R3HDM2: variants seen among roughly 807,000 people sequenced by gnomAD.
R3HDM2 encodes the protein R3H domain containing 2.
In R3HDM2, 38 loss-of-function variants were observed where a neutral mutation model predicts 124.5. That is an observed-to-expected ratio of 0.31 (90% CI 0.24 to 0.40). The LOEUF (loss-of-function observed/expected upper bound fraction) is 0.40, where lower values mean the gene tolerates loss of function less well. R3HDM2 is among the 10% of genes least tolerant of loss of function. The probability of loss-of-function intolerance (pLI) is 1.00; values close to 1 mark genes in which losing one functional copy is unlikely to be tolerated. For synonymous variants in R3HDM2, 391 were observed against 448.0 expected, an observed-to-expected ratio of 0.87 and a Z score of 1.61; for missense variants, 869 against 1,236.9, an observed-to-expected ratio of 0.70 and a Z score of 4.46.
chr12:57,296,568 G>A lies in R3HDM2; in HGVS notation c.561-17C>T. The A allele has an allele frequency of 2.6e-6, 4 of 1,536,706 alleles. No homozygotes were observed. The highest frequency in any genetic ancestry group is 1.2e-5 in the South Asian group (1 of 81,762). Reference sequence around the variant, plus strand: ...AACTGATTACTGAAGGGAAACCCGGGGAAAAAAAGTGAAATAAGACAAACA... The same window carrying A: ...AACTGATTACTGAAGGGAAACCCGGAGAAAAAAAGTGAAATAAGACAAACA... On this transcript the variant is annotated splice_polypyrimidine_tract_variant and intron_variant, in intron 8 of 23. Coordinates refer to ENST00000402412, the MANE Select transcript of R3HDM2 (RefSeq NM_001394031.1). The surrounding 1 kb of genome is among the most constrained non-coding windows in gnomAD (Gnocchi z 4.5).
chr12:57,266,077 G>A (rs141278772), intron 19 of R3HDM2, among the ~76,000 whole-genome samples: 272 of 145,698 alleles, frequency 1.9e-3, no homozygotes, highest in Non-Finnish European at 3.2e-3. Flanking sequence ...GATTACAGGC[G>A]TGAGCCTCCG....
At chr12:57,381,187 C>T (rs1474399543) in intron 2 of R3HDM2, among the ~76,000 whole-genome samples, 18 of 151,940 alleles carry the variant, frequency 1.2e-4, no homozygotes, top group African/African-American at 1.7e-4. Flanking sequence ...GCTGATATCA[C>T]GCCATTGCAC....
Position 57,300,197 on chromosome 12 carries a change from A to C in R3HDM2, c.208-16T>G. Reference sequence around the variant, plus strand: ...TGGAATTAGACTGAAAAAAACAAAAAACAATTTTCAATTTTTTTAATGTAT... The same window carrying C: ...TGGAATTAGACTGAAAAAAACAAAACACAATTTTCAATTTTTTTAATGTAT... On this transcript the variant is annotated splice_polypyrimidine_tract_variant and intron_variant, in intron 4 of 23. Transcript: ENST00000402412. The C allele has an allele frequency of 1.3e-6, 2 of 1,544,350 alleles. No homozygotes were observed. Among genetic ancestry groups the C allele is most frequent in the Non-Finnish European group, 1.8e-6 (2 of 1,140,638 alleles).
chr12:57,355,473 G>A (rs1037896948), intron 2 of R3HDM2, among the ~76,000 whole-genome samples: 57 of 137,982 alleles, frequency 4.1e-4, no homozygotes, highest in Middle Eastern at 7.3e-3. Flanking sequence ...AAAAAAAAAA[G>A]AAAGAAAAAA....
At chr12:57,288,878 T>G in intron 12 of R3HDM2, 131 bp downstream of exon 12, 1 of 1,551,368 alleles carries the variant, frequency 6.4e-7, no homozygotes, top group East Asian at 2.4e-5. Context: ...CCTTCTCTTG[T>G]GAGAGCTAGA....
At chr12:57,339,826 G>C (rs943739774) in intron 2 of R3HDM2, among the ~76,000 whole-genome samples, 1 of 152,144 alleles carries the variant, frequency 6.6e-6, no homozygotes, top group African/African-American at 2.4e-5. Flanking sequence ...AGGCACAGTA[G>C]TGTCCTTCCA....
intron 2 of R3HDM2, among the ~76,000 whole-genome samples, chr12:57,358,980 C>T (rs2061593150): frequency 6.6e-6 from 1 of 151,430 alleles, no homozygotes; most frequent in East Asian, 1.9e-4. Flanking sequence ...TGCAGTGGTG[C>T]AATCTCGGCT....
chr12:57,398,393 T>C (rs996741604), intron 1 of R3HDM2, among the ~76,000 whole-genome samples: 7 of 152,166 alleles, frequency 4.6e-5, no homozygotes, highest in African/African-American at 1.7e-4. Context: ...TTAAAACTTA[T>C]TTGTATAGCC....
At chr12:57,268,777 C>T (rs184734599) in intron 17 of R3HDM2, 145 bp downstream of exon 17, 12 of 1,028,868 alleles carry the variant, frequency 1.2e-5, no homozygotes, top group Middle Eastern at 3.2e-4. Flanking sequence ...ATGGGCTTTC[C>T]GTTATAGGAA....
Position 57,258,034 on chromosome 12 carries a change from AG to A in R3HDM2, c.2404del (p.Leu802CysfsTer53). 1 of 1,593,888 alleles carries A rather than the reference AG, an allele frequency of 6.3e-7. No homozygotes were observed. The highest frequency in any genetic ancestry group is 8.6e-7 in the Non-Finnish European group (1 of 1,166,014). ...CCGGGGGAACTGTGTGAGGACAGGC[AG>A]GGGACTGAGTCCTGTGCAGACACTG... ...LSSVCTGLSPLPVLTQFPRPG... is the reference protein window; with the variant it reads ...LSSVCTGLSPXPVLTQFPRPG... On this transcript the variant is annotated frameshift_variant, in exon 21 of 24. Coordinates refer to ENST00000402412, the MANE Select transcript of R3HDM2 (RefSeq NM_001394031.1). LOFTEE classifies it high-confidence loss of function.
In R3HDM2 at chr12:57,322,244, A is replaced by G. The variant is rs79750580; in HGVS notation, c.-35-11781T>C. ...ACAAACAAACAAACAAACCTCATTAACAAAATGGTTAAGATCTGTGCATTT... is the reference window on the plus strand; with the variant it reads ...ACAAACAAACAAACAAACCTCATTAGCAAAATGGTTAAGATCTGTGCATTT... On this transcript the variant is annotated intron_variant, in intron 2 of 23. Transcript: ENST00000402412. 8.9e-3 allele frequency among the ~76,000 whole-genome samples: 1,361 copies of G among 152,304 alleles called. 21 individuals are homozygous for G. The highest frequency in any genetic ancestry group is 0.072 in the East Asian group (372 of 5,178).
At chr12:57,381,291 C>T (rs1271312633) in intron 2 of R3HDM2, among the ~76,000 whole-genome samples, 2 of 151,754 alleles carry the variant, frequency 1.3e-5, no homozygotes, top group African/African-American at 4.8e-5. Flanking sequence ...CGGTGGCTCA[C>T]GCCTGTAATG....
At chr12:57,386,832 A>G (rs931760422) in intron 2 of R3HDM2, among the ~76,000 whole-genome samples, 4 of 152,200 alleles carry the variant, frequency 2.6e-5, no homozygotes, top group African/African-American at 4.8e-5. Context: ...AAACTCACCA[A>G]TCAGCACCCT....
intron 1 of R3HDM2, among the ~76,000 whole-genome samples, chr12:57,406,013 G>A (rs1407487073): frequency 6.6e-6 from 1 of 151,940 alleles, no homozygotes; most frequent in Admixed American, 6.6e-5. Flanking sequence ...GAGACAATGA[G>A]ACATTAATAA....
intron 2 of R3HDM2, among the ~76,000 whole-genome samples, chr12:57,324,880 C>T (rs1277228574): frequency 6.6e-6 from 1 of 152,110 alleles, no homozygotes; most frequent in Non-Finnish European, 1.5e-5. Flanking sequence ...TTTAAAGAGG[C>T]GATTAAGTTA....
intron 14 of R3HDM2, among the ~76,000 whole-genome samples, chr12:57,279,064 T>C (rs2045524813): frequency 6.6e-6 from 1 of 151,862 alleles, no homozygotes; most frequent in African/African-American, 2.4e-5. Flanking sequence ...GCTTTCCAGC[T>C]ACCAGAGAAT....
intron 1 of R3HDM2, among the ~76,000 whole-genome samples, chr12:57,413,530 G>A (rs2069214424): frequency 6.6e-6 from 1 of 151,214 alleles, no homozygotes; most frequent in Admixed American, 6.6e-5. Flanking sequence ...GAAGTCAGGA[G>A]ATCAAGACCA....
At chr12:57,375,926 C>A (rs2138132793) in intron 2 of R3HDM2, among the ~76,000 whole-genome samples, 1 of 152,230 alleles carries the variant, frequency 6.6e-6, no homozygotes, top group Non-Finnish European at 1.5e-5. Flanking sequence ...CCCACCTCGG[C>A]CTCCCAAAGT....
At chr12:57,408,301 A>G (rs2068708187) in intron 1 of R3HDM2, among the ~76,000 whole-genome samples, 1 of 152,090 alleles carries the variant, frequency 6.6e-6, no homozygotes, top group Non-Finnish European at 1.5e-5. Context: ...TCCTGACCTC[A>G]AGTGATCCTC....
Sources: allele counts gnomAD v4.1 joint callset (sites outside exome capture counted in the v4.1 genomes callset), GRCh38; gene constraint gnomAD v4.1.1; non-coding constraint Gnocchi (gnomAD v3.1); transcripts MANE v1.5; gene names NCBI Gene and HGNC (gene_info 2026-07-23, HGNC 2026-07-21).